RBFOX3: variants seen among roughly 807,000 people sequenced by gnomAD.
RBFOX3 encodes RNA binding protein fox-1 homolog 3.
RBFOX3 carries 17 observed loss-of-function variants against 48.7 expected under a neutral mutation model. The ratio of observed to expected loss-of-function variants is 0.35; its 90% CI spans 0.24 to 0.52. The LOEUF (loss-of-function observed/expected upper bound fraction) is 0.52, where lower values mean the gene tolerates loss of function less well. Ranked by LOEUF, RBFOX3 falls within the 20% of genes least tolerant of loss-of-function variation. RBFOX3 has a pLI of 0.94. For synonymous variants in RBFOX3, 212 were observed against 209.5 expected (o/e 1.01, Z -0.10); for missense variants, 382 against 497.5 (o/e 0.77, Z 2.21).
chr17:79,568,110 C>T (rs912985329), intron 1 of RBFOX3, among the ~76,000 whole-genome samples: 47 of 151,974 alleles, frequency 3.1e-4, no homozygotes, highest in African/African-American at 1.5e-4. Flanking sequence ...GGAAGGAGTG[C>T]GGGCTCACCT....
intron 4 of RBFOX3, among the ~76,000 whole-genome samples, chr17:79,139,246 CCCCGACACAG>C (rs2041394609): frequency 6.6e-6 from 1 of 151,664 alleles, no homozygotes; most frequent in African/African-American, 2.4e-5. Context: ...GCCCCCCCCA[CCCCGACACAG>C]GGAGACCACA....
chr17:79,549,123 G>T (rs1384944428), intron 1 of RBFOX3, among the ~76,000 whole-genome samples: 2 of 152,220 alleles, frequency 1.3e-5, no homozygotes, highest in African/African-American at 2.4e-5. Context: ...ACCAGGCCAG[G>T]CTTTGTCTGC....
At chr17:79,225,653 G>A (rs1321326615) in intron 4 of RBFOX3, among the ~76,000 whole-genome samples, 2 of 152,174 alleles carry the variant, frequency 1.3e-5, no homozygotes, top group East Asian at 1.9e-4. Context: ...CAGCCAAGGG[G>A]AGCGTGTGTC....
chr17:79,419,340 G>A (rs782338418), intron 2 of RBFOX3, among the ~76,000 whole-genome samples: 17 of 152,188 alleles, frequency 1.1e-4, no homozygotes, highest in Non-Finnish European at 1.6e-4. Flanking sequence ...CATCATCAGA[G>A]GTGTTTCCAG....
chr17:79,536,834 C>T (rs1200246348), intron 1 of RBFOX3, among the ~76,000 whole-genome samples: 1 of 152,176 alleles, frequency 6.6e-6, no homozygotes, highest in Non-Finnish European at 1.5e-5. Flanking sequence ...CACTGTAATC[C>T]CAGCGCTTTG....
chr17:79,227,411 G>A (rs116293247), intron 4 of RBFOX3, among the ~76,000 whole-genome samples: 1,876 of 152,294 alleles, frequency 0.012, 35 homozygotes, highest in African/African-American at 0.042. Flanking sequence ...CCCCTAAGAG[G>A]GGGTGAGTAT....
the RBFOX3 span, among the ~76,000 whole-genome samples, chr17:79,651,164 G>T: frequency 6.6e-6 from 1 of 152,102 alleles, no homozygotes; most frequent in African/African-American, 2.4e-5. Context: ...TCCCTTCCAG[G>T]GTCCACGTGC....
At chr17:79,594,129 G>A (rs1410300826) in intron 1 of RBFOX3, among the ~76,000 whole-genome samples, 1 of 152,122 alleles carries the variant, frequency 6.6e-6, no homozygotes, top group Non-Finnish European at 1.5e-5. Context: ...CCTACTCTGT[G>A]CCAGGGAGTG....
intron 3 of RBFOX3, among the ~76,000 whole-genome samples, chr17:79,256,950 A>G (rs903585072): frequency 1.4e-4 from 2 of 14,810 alleles, no homozygotes; most frequent in Non-Finnish European, 2.4e-4. Context: ...AAACAAAACA[A>G]AAAAAAAACA....
chr17:79,454,675 A>T (rs34066747), intron 2 of RBFOX3, among the ~76,000 whole-genome samples: 1 of 152,006 alleles, frequency 6.6e-6, no homozygotes, highest in Non-Finnish European at 1.5e-5. Flanking sequence ...TCAAAGGCCC[A>T]GAGAGGTTAA....
intron 2 of RBFOX3, among the ~76,000 whole-genome samples, chr17:79,365,460 T>A (rs532168038): frequency 3.3e-5 from 5 of 152,404 alleles, no homozygotes; most frequent in Admixed American, 6.5e-5. Context: ...GATAACACTT[T>A]ATTTTAATAG....
intron 3 of RBFOX3, among the ~76,000 whole-genome samples, chr17:79,239,580 C>T (rs950285728): frequency 5.9e-5 from 9 of 152,236 alleles, no homozygotes; most frequent in African/African-American, 1.9e-4. Flanking sequence ...CCCCAGGAGA[C>T]GGCGGGGCAC....
chr17:79,587,615 C>G lies in RBFOX3; in HGVS notation c.-320+23211G>C, dbSNP rs995549707. Among the ~76,000 whole-genome samples, 177 of 152,324 alleles carry G rather than the reference C, an allele frequency of 1.2e-3. 3 individuals are homozygous for G. The South Asian group carries it at 0.019, about 16-fold the overall frequency. On this transcript the variant is annotated intron_variant, in intron 1 of 14. Coordinates refer to ENST00000693108, the MANE Select transcript of RBFOX3 (RefSeq NM_001350451.2). ...CCTCAGCCCCAAGCTGCCCAAGTCA[C>G]TCAGCCAGGCGAGGTCCCCCCACGG...
At chr17:79,280,135 T>TCA (rs777584476) in intron 3 of RBFOX3, among the ~76,000 whole-genome samples, 44 of 145,902 alleles carry the variant, frequency 3.0e-4, no homozygotes, top group Non-Finnish European at 5.9e-4. Context: ...CACATACATG[T>TCA]CACACACATG....
At chr17:79,139,207 A>G (rs2041375080) in intron 4 of RBFOX3, among the ~76,000 whole-genome samples, 1 of 151,892 alleles carries the variant, frequency 6.6e-6, no homozygotes. Flanking sequence ...TCACACACTC[A>G]CCTAAGGCAC....
At chr17:79,539,195 T>C (rs570101065) in intron 1 of RBFOX3, among the ~76,000 whole-genome samples, 1 of 151,558 alleles carries the variant, frequency 6.6e-6, no homozygotes, top group Non-Finnish European at 1.5e-5. Flanking sequence ...CTACAAAAAA[T>C]AGAAAAATTA....
chr17:79,142,975 G>T (rs564112186), intron 4 of RBFOX3, among the ~76,000 whole-genome samples: 1 of 152,134 alleles, frequency 6.6e-6, no homozygotes, highest in African/African-American at 2.4e-5. Flanking sequence ...ACTAGAAGAC[G>T]AAGAGGGAGG....
chr17:79,653,310 G>A, the RBFOX3 span, among the ~76,000 whole-genome samples: 1 of 152,162 alleles, frequency 6.6e-6, no homozygotes, highest in Non-Finnish European at 1.5e-5. Context: ...GAGGGCCCCA[G>A]GACAACTTCC....
Position 79,094,379 on chromosome 17 carries a change from C to G in RBFOX3, c.1077+72G>C, listed in dbSNP as rs1250229043. The G allele has an allele frequency of 2.5e-6, 3 of 1,180,812 alleles. No homozygotes were observed. The African/African-American group carries it at 4.9e-5, about 19-fold the overall frequency. The allele number at this position is 1,180,812 out of a possible 1,614,324, so 73.1% of individuals were successfully genotyped here. On this transcript the variant is annotated intron_variant, in intron 14 of 14. Coordinates refer to ENST00000693108, the MANE Select transcript of RBFOX3 (RefSeq NM_001350451.2). Reference sequence around the variant, plus strand: ...ATTGGTCAGAGGGCTCGGCCTCTCCCCCAAGGGCCTCACCACCCATGCCCA... The same window carrying G: ...ATTGGTCAGAGGGCTCGGCCTCTCCGCCAAGGGCCTCACCACCCATGCCCA...
Sources: allele counts gnomAD v4.1 joint callset (sites outside exome capture counted in the v4.1 genomes callset), GRCh38; gene constraint gnomAD v4.1.1; transcripts MANE v1.5; gene names NCBI Gene and HGNC (gene_info 2026-07-23, HGNC 2026-07-21).